The following LIPK variants were observed in gnomAD, a reference collection of about 807,000 sequenced individuals.
LIPK encodes lipase member K.
Under a neutral mutation model 48.6 loss-of-function variants are expected in LIPK, and 32 were observed. That is an observed-to-expected ratio of 0.66 (90% CI 0.50 to 0.88). The LOEUF (loss-of-function observed/expected upper bound fraction) is 0.88. Ranked by LOEUF, LIPK falls within the 40% of genes least tolerant of loss-of-function variation. LIPK has a pLI of 0.00. For synonymous variants in LIPK, 164 were observed against 157.4 expected, an observed-to-expected ratio of 1.04 and a Z score of -0.32; for missense variants, 507 against 478.5, an observed-to-expected ratio of 1.06 and a Z score of -0.56.
Position 88,737,679 on chromosome 10 carries a change from C to G in LIPK, c.714C>G (p.Asp238Glu). Residue 238 changes from aspartate to glutamate, a missense_variant, in exon 7 of 10, where the codon GAC becomes GAG. Physicochemically the swap from Asp to Glu is conservative, Grantham distance 45. Transcript: ENST00000404190. ...TGTTCCACCCTCATACATTGTTTGACCAATTCATTGCCACCAAAGTGTGCA... is the reference window on the plus strand; with the variant it reads ...TGTTCCACCCTCATACATTGTTTGAGCAATTCATTGCCACCAAAGTGTGCA... ...DKMFHPHTLF[D>E]QFIATKVCNR... 6.2e-7 allele frequency: 1 copy of G among 1,613,814 alleles called. No homozygotes were observed. Among genetic ancestry groups the G allele is most frequent in the South Asian group, 1.1e-5 (1 of 91,074 alleles).
chr10:88,707,197 A>C (rs2134670878), intron 1 of LIPK, among the ~76,000 whole-genome samples: 1 of 152,212 alleles, frequency 6.6e-6, no homozygotes, highest in Admixed American at 6.5e-5. Context: ...ACAGAAACCA[A>C]CTCAAATATA....
rs187723229 is a variant in LIPK at position 88,711,346 on chromosome 10, A to G, written c.-12+5026A>G. ...CTATAGTCAAACAAATTAACGTATC[A>G]ATAATCTTACCTAGTTACCCTTTGT... On this transcript the variant is annotated intron_variant, in intron 1 of 9. Coordinates refer to ENST00000404190, the MANE Select transcript of LIPK (RefSeq NM_001080518.2). 3.3e-3 allele frequency among the ~76,000 whole-genome samples: 498 copies of G among 152,322 alleles called. 1 individual carries two copies. Among genetic ancestry groups the G allele is most frequent in the African/African-American group, 0.011 (473 of 41,578 alleles).
chr10:88,751,462 C>A (rs961315359), intron 9 of LIPK, among the ~76,000 whole-genome samples: 1 of 152,040 alleles, frequency 6.6e-6, no homozygotes, highest in African/African-American at 2.4e-5. Flanking sequence ...CTGGCTCAAG[C>A]GATTCTCTTG....
intron 1 of LIPK, among the ~76,000 whole-genome samples, chr10:88,712,186 C>T (rs907813755): frequency 6.6e-6 from 1 of 152,146 alleles, no homozygotes; most frequent in Non-Finnish European, 1.5e-5. Context: ...TTTTACAGAT[C>T]TTCTGCTCAA....
At chr10:88,749,342 G>A (rs1842824805) in intron 9 of LIPK, among the ~76,000 whole-genome samples, 1 of 151,968 alleles carries the variant, frequency 6.6e-6, no homozygotes, top group East Asian at 1.9e-4. Context: ...AAAGCTGGAG[G>A]CATTACTTGA....
At chr10:88,716,812 C>T (rs1173286027) in intron 1 of LIPK, among the ~76,000 whole-genome samples, 1 of 151,908 alleles carries the variant, frequency 6.6e-6, no homozygotes, top group Non-Finnish European at 1.5e-5. Context: ...GTGGAAGTAT[C>T]CTGAAGGCTT....
At chr10:88,724,871 C>T (rs1185042723) in intron 2 of LIPK, among the ~76,000 whole-genome samples, 2 of 152,126 alleles carry the variant, frequency 1.3e-5, no homozygotes, top group African/African-American at 4.8e-5. Flanking sequence ...AACTACCATC[C>T]AGTGGTGGCT....
At chr10:88,742,461 T>A (rs535531927) in intron 8 of LIPK, among the ~76,000 whole-genome samples, 1 of 152,342 alleles carries the variant, frequency 6.6e-6, no homozygotes, top group Non-Finnish European at 1.5e-5. Flanking sequence ...AAACACAGAA[T>A]AGTCTGAGAA....
At chr10:88,752,450 A>T in intron 9 of LIPK, 67 bp from the exon 10 acceptor site, 6 of 1,159,952 alleles carry the variant, frequency 5.2e-6, no homozygotes, top group Non-Finnish European at 6.2e-6. Context: ...AACAGCTGAC[A>T]GTTAATGTTA....
chr10:88,736,138 G>A (rs1842567099), intron 6 of LIPK, among the ~76,000 whole-genome samples: 2 of 151,794 alleles, frequency 1.3e-5, no homozygotes, highest in Non-Finnish European at 2.9e-5. Flanking sequence ...GATGGAGCCA[G>A]GGAAAAAGGA....
At chr10:88,730,946 G>A (rs773976997) in intron 3 of LIPK, 37 bp from the exon 4 acceptor site, 1 of 1,501,284 alleles carries the variant, frequency 6.7e-7, no homozygotes, top group East Asian at 2.5e-5. Flanking sequence ...CACTGAGAAA[G>A]TTCAAATATG....
intron 1 of LIPK, among the ~76,000 whole-genome samples, chr10:88,716,897 T>C (rs377442299): frequency 2.0e-4 from 31 of 152,134 alleles, no homozygotes; most frequent in African/African-American, 7.2e-4. Flanking sequence ...AGGGAATATA[T>C]GAAAGTATGT....
At chr10:88,736,247 T>A (rs1682869493) in intron 6 of LIPK, among the ~76,000 whole-genome samples, 1 of 151,882 alleles carries the variant, frequency 6.6e-6, no homozygotes, top group South Asian at 2.1e-4. Flanking sequence ...AGGACAACAA[T>A]ATGTTAAACT....
intron 6 of LIPK, 23 bp from the exon 7 acceptor site, chr10:88,737,612 T>C (rs1260314683): frequency 4.3e-6 from 7 of 1,611,034 alleles, no homozygotes; most frequent in Middle Eastern, 1.7e-4. Context: ...TAAGATTTGA[T>C]GGTGTTTTAA....
At chr10:88,714,857 T>A (rs1439364354) in intron 1 of LIPK, among the ~76,000 whole-genome samples, 4 of 151,932 alleles carry the variant, frequency 2.6e-5, no homozygotes, top group African/African-American at 9.7e-5. Flanking sequence ...AATATGTTTA[T>A]TTATTTTATT....
chr10:88,748,984 G>A (rs968848456), intron 9 of LIPK, among the ~76,000 whole-genome samples: 1 of 151,898 alleles, frequency 6.6e-6, no homozygotes. Context: ...CAGTAACAAT[G>A]TCCAAGCTGA....
Position 88,724,656 on chromosome 10 carries a change from ATTTATTC to A in LIPK, c.105+9_105+15del. The A allele has an allele frequency of 6.8e-7, 1 of 1,463,050 alleles. No individual in the cohort carries two copies. 90.6% of individuals were successfully genotyped at this position (1,463,050 alleles called of 1,614,324 possible). A position where few individuals can be genotyped will look rare whatever the true frequency, so the allele number is the denominator to read the frequency against. On this transcript the variant is annotated intron_variant, in intron 2 of 9. Transcript: ENST00000404190. ...GAAGCTAATATGAATATTGTAAGTC[ATTTATTC>A]AGAAAAAAATGCTAAAATAAGGAAT... is the stretch of plus-strand genomic sequence containing the variant.
intron 9 of LIPK, 48 bp downstream of exon 9, chr10:88,743,369 C>A (rs909787784): frequency 1.5e-6 from 2 of 1,355,856 alleles, no homozygotes; most frequent in South Asian, 1.3e-5. Context: ...AATGAACTAA[C>A]AAAAATAGTG....
At chr10:88,718,885 C>A (rs1002169933) in intron 1 of LIPK, among the ~76,000 whole-genome samples, 4 of 152,020 alleles carry the variant, frequency 2.6e-5, no homozygotes, top group South Asian at 2.1e-4. Context: ...AACAGAAATT[C>A]TTGGCTGCTC....
Sources: allele counts gnomAD v4.1 joint callset (sites outside exome capture counted in the v4.1 genomes callset), GRCh38; gene constraint gnomAD v4.1.1; transcripts MANE v1.5; gene names NCBI Gene and HGNC (gene_info 2026-07-23, HGNC 2026-07-21).